TOM1: variants seen among roughly 807,000 people sequenced by gnomAD.
TOM1 encodes the protein target of myb1 membrane trafficking protein, also known as target of Myb protein 1.
In TOM1, 38 loss-of-function variants were observed where a neutral mutation model predicts 61.3. That is an observed-to-expected ratio of 0.62 (90% CI 0.48 to 0.81). The LOEUF (loss-of-function observed/expected upper bound fraction) is 0.81, where lower values mean the gene tolerates loss of function less well. TOM1 is among the 40% of genes least tolerant of loss of function. TOM1 has a pLI of 0.00. For synonymous variants in TOM1, 270 were observed against 268.8 expected, an observed-to-expected ratio of 1.00 and a Z score of -0.04; for missense variants, 591 against 659.6, an observed-to-expected ratio of 0.90 and a Z score of 1.14.
At chr22:35,299,885 C>CG (rs1443766385), upstream of TOM1, 1 of 1,561,302 alleles carries the variant, frequency 6.4e-7, no homozygotes, top group East Asian at 2.4e-5. Context: ...CTGGCGGTTG[C>CG]TGTCAGCTGA....
chr22:35,338,006 C>T (rs947912759), intron 11 of TOM1, among the ~76,000 whole-genome samples: 5 of 152,184 alleles, frequency 3.3e-5, no homozygotes, highest in African/African-American at 1.2e-4. Flanking sequence ...CTCTTGCTCC[C>T]CAGGAGACTT....
At chr22:35,301,323 A>G (rs920342843) in intron 1 of TOM1, among the ~76,000 whole-genome samples, 4 of 142,168 alleles carry the variant, frequency 2.8e-5, no homozygotes, top group African/African-American at 1.0e-4. Context: ...TATATATTAT[A>G]TGTATTTACA....
rs775773543 is a variant in TOM1 at position 35,322,963 on chromosome 22, G to A, written c.217-65G>A. The A allele has an allele frequency of 5.1e-6, 8 of 1,583,216 alleles. No individual in the cohort carries two copies. The South Asian group carries it at 9.1e-5, about 18-fold the overall frequency. On this transcript the variant is annotated intron_variant, in intron 3 of 14. Coordinates refer to ENST00000449058, the MANE Select transcript of TOM1 (RefSeq NM_005488.3). ...CTGGGACACAGGAGGAGCCACGAGG[G>A]TGGGGGTTCTGAGCACCTCCTCTCC...
intron 12 of TOM1, among the ~76,000 whole-genome samples, chr22:35,343,988 T>A (rs1930272402): frequency 7.1e-6 from 1 of 141,076 alleles, no homozygotes. Context: ...CACCTACACA[T>A]ACAAACCTAC....
intron 1 of TOM1, among the ~76,000 whole-genome samples, chr22:35,313,640 C>G (rs754587941): frequency 1.3e-4 from 20 of 152,236 alleles, no homozygotes; most frequent in Non-Finnish European, 2.5e-4. Flanking sequence ...AGGCCAGACT[C>G]GTCCCACTCC....
chr22:35,309,625 CAG>C lies in TOM1; in HGVS notation c.53-8249_53-8248del, dbSNP rs568181494. 2.8e-4 allele frequency among the ~76,000 whole-genome samples: 37 copies of C among 130,910 alleles called. No homozygotes were observed. The South Asian group carries it at 9.0e-3, about 32-fold the overall frequency. The allele number at this position is 130,910 out of a possible 152,430, so 85.9% of individuals were successfully genotyped here. On this transcript the variant is annotated intron_variant, in intron 1 of 14. Coordinates refer to ENST00000449058, the MANE Select transcript of TOM1 (RefSeq NM_005488.3). Reference sequence around the variant, plus strand: ...TGCCACAGCACTCCAGCCTGGGCAACAGAGTGAGACTCCATCTCAAAAAAAAA... The same window carrying C: ...TGCCACAGCACTCCAGCCTGGGCAACAGTGAGACTCCATCTCAAAAAAAAA...
Position 35,317,953 on chromosome 22 carries a change from G to A in TOM1, c.129G>A (p.Thr43=), listed in dbSNP as rs772912853. The change falls in exon 2 of 15, where the codon ACG becomes ACA. Residue 43 remains threonine (T), a synonymous_variant. Transcript: ENST00000449058. ...AGATCTGCGACATCATCAACGAGAC[G>A]GAGGAAGGGTAAGGGCCCCCCAAGG... ...NMEICDIINE[T]EEGPKDALRA... The A allele has an allele frequency of 3.3e-5, 53 of 1,613,906 alleles. No individual in the cohort carries two copies. The highest frequency in any genetic ancestry group is 4.2e-5 in the Non-Finnish European group (49 of 1,179,916).
intron 2 of TOM1, among the ~76,000 whole-genome samples, chr22:35,320,515 C>A (rs573043999): frequency 6.6e-6 from 1 of 152,232 alleles, no homozygotes; most frequent in South Asian, 2.1e-4. Context: ...CTCTTAGTTC[C>A]TCCAAGGCAT....
chr22:35,307,727 G>A (rs1037993752), intron 1 of TOM1, among the ~76,000 whole-genome samples: 4 of 152,162 alleles, frequency 2.6e-5, no homozygotes. Context: ...GGAGCCAGGG[G>A]AGAAGGGAGG....
chr22:35,314,684 G>A (rs557638079), intron 1 of TOM1, among the ~76,000 whole-genome samples: 1 of 152,194 alleles, frequency 6.6e-6, no homozygotes, highest in Admixed American at 6.5e-5. Flanking sequence ...GCCTGCCGGT[G>A]GAGCTCAGGG....
Position 35,309,239 on chromosome 22 carries a change from G to T in TOM1, c.53-8638G>T, listed in dbSNP as rs75303553. On this transcript the variant is annotated intron_variant, in intron 1 of 14. Coordinates refer to ENST00000449058, the MANE Select transcript of TOM1 (RefSeq NM_005488.3). ...TAGAGGAGGAACTGAGGCACAGAGA[G>T]GCCGAGGAGTTACCCAGGCTCACAC... 1.9e-3 allele frequency among the ~76,000 whole-genome samples: 294 copies of T among 152,294 alleles called. 2 individuals carry two copies. The highest frequency in any genetic ancestry group is 6.9e-3 in the African/African-American group (287 of 41,548).
chr22:35,317,801 C>T, intron 1 of TOM1, 76 bp from the exon 2 acceptor site: 4 of 1,126,950 alleles, frequency 3.5e-6, no homozygotes, highest in South Asian at 2.5e-5. Context: ...CTGCACCCCC[C>T]TCCTCTCCCA....
chr22:35,340,205 G>A (rs1001144049), intron 12 of TOM1, among the ~76,000 whole-genome samples: 4 of 152,192 alleles, frequency 2.6e-5, no homozygotes, highest in East Asian at 1.9e-4. Context: ...CAGGGAGTCC[G>A]GGGGAGTGAG....
At chr22:35,341,659 G>T (rs1439174424) in intron 12 of TOM1, among the ~76,000 whole-genome samples, 2 of 152,172 alleles carry the variant, frequency 1.3e-5, no homozygotes, top group African/African-American at 2.4e-5. Context: ...CAGAGACAGG[G>T]TTCACTTCCC....
intron 1 of TOM1, among the ~76,000 whole-genome samples, chr22:35,303,053 GA>G (rs1925987576): frequency 6.6e-6 from 1 of 151,956 alleles, no homozygotes; most frequent in Admixed American, 6.6e-5. Context: ...ACATCCCTCA[GA>G]TGGTGATTCT....
intron 13 of TOM1, among the ~76,000 whole-genome samples, chr22:35,346,475 C>G (rs1224012796): frequency 6.6e-6 from 1 of 152,226 alleles, no homozygotes; most frequent in Non-Finnish European, 1.5e-5. Flanking sequence ...CACCCCCTCC[C>G]TAGTTTGCAG....
At chr22:35,333,071 C>T in intron 9 of TOM1, 57 bp downstream of exon 9, 1 of 1,550,812 alleles carries the variant, frequency 6.4e-7, no homozygotes, top group East Asian at 2.2e-5. Flanking sequence ...AGAAGGAGTG[C>T]CATTCTCACC....
chr22:35,315,998 C>T (rs1927246660), intron 1 of TOM1, among the ~76,000 whole-genome samples: 1 of 152,256 alleles, frequency 6.6e-6, no homozygotes, highest in East Asian at 1.9e-4. Flanking sequence ...GAGGAGAGAG[C>T]CTCCCTTGCA....
At chr22:35,343,517 C>T (rs1464764393) in intron 12 of TOM1, among the ~76,000 whole-genome samples, 1 of 142,104 alleles carries the variant, frequency 7.0e-6, no homozygotes, top group Non-Finnish European at 1.5e-5. Context: ...ACTCATACAC[C>T]TACACACACC....
Sources: gnomAD v4.1 joint callset for allele counts (sites outside exome capture counted in the v4.1 genomes callset) on GRCh38, gnomAD v4.1.1 for gene constraint, MANE v1.5 for transcripts, NCBI Gene and HGNC (gene_info 2026-07-23, HGNC 2026-07-21) for gene names.